Variants in MANEA observed in about 807,000 individuals in gnomAD.
MANEA encodes the protein mannosidase endo-alpha, also known as glycoprotein endo-alpha-1,2-mannosidase.
A neutral mutation model predicts 36.8 loss-of-function variants in MANEA; 25 were observed. The ratio of observed to expected loss-of-function variants is 0.68; its 90% CI spans 0.50 to 0.95. MANEA has a LOEUF of 0.95. Among genes scored for constraint, MANEA ranks in the 40% least tolerant of loss-of-function variants. MANEA has a pLI of 0.00. For missense variants in MANEA, 565 were observed against 558.8 expected (o/e 1.01, Z -0.11); for synonymous variants, 198 against 188.5 (o/e 1.05, Z -0.41).
intron 2 of MANEA, among the ~76,000 whole-genome samples, chr6:95,592,582 T>C (rs1470323797): frequency 6.6e-6 from 1 of 152,188 alleles, no homozygotes; most frequent in African/African-American, 2.4e-5. Context: ...TGAAAGAATG[T>C]TTGAGATGTT....
chr6:95,603,547 T>A (rs1048642067), intron 3 of MANEA, among the ~76,000 whole-genome samples: 1 of 151,236 alleles, frequency 6.6e-6, no homozygotes. Flanking sequence ...AAAATTATAT[T>A]TTTTTTAAAT....
intron 2 of MANEA, among the ~76,000 whole-genome samples, chr6:95,593,380 A>G (rs1170199075): frequency 2.0e-5 from 3 of 152,164 alleles, no homozygotes; most frequent in Non-Finnish European, 4.4e-5. Flanking sequence ...TGTAAGGGAG[A>G]AGAAAGAACA....
At chr6:95,584,323 G>A (rs4571575) in intron 1 of MANEA, among the ~76,000 whole-genome samples, 90,783 of 152,020 alleles carry the variant, frequency 0.6, 27,528 homozygotes, top group East Asian at 0.87. Context: ...AGTAGGAGAG[G>A]TATCACTAAA....
intron 1 of MANEA, among the ~76,000 whole-genome samples, chr6:95,584,404 T>C (rs1310471722): frequency 6.6e-6 from 1 of 152,144 alleles, no homozygotes; most frequent in African/African-American, 2.4e-5. Flanking sequence ...GGGAGGTCTA[T>C]AAGCGGCCGC....
At chr6:95,593,266 A>T (rs1449401540) in intron 2 of MANEA, among the ~76,000 whole-genome samples, 23 of 152,212 alleles carry the variant, frequency 1.5e-4, no homozygotes. Context: ...AGTCCAGAAG[A>T]CACTGTATAA....
chr6:95,580,272 C>T (rs899434297), intron 1 of MANEA, among the ~76,000 whole-genome samples: 1 of 151,736 alleles, frequency 6.6e-6, no homozygotes, highest in Non-Finnish European at 1.5e-5. Flanking sequence ...AGCAAAGAGC[C>T]AGAAATTAAC....
Position 95,586,615 on chromosome 6 carries a change from T to C in MANEA, c.176T>C (p.Phe59Ser). Reference protein sequence around the residue: ...HQRTIHLGKNFDFQKSDRINS... With the variant: ...HQRTIHLGKNSDFQKSDRINS... The stretch of plus-strand genomic sequence containing the variant: ...CGAACTATTCATTTGGGGAAAAATT[T>C]TGATTTCCAAAAGAGTGACAGAATC... Residue 59 changes from phenylalanine (F) to serine (S), a missense_variant, in exon 2 of 5, where the codon TTT (phenylalanine) becomes TCT (serine). Coordinates refer to ENST00000358812, the MANE Select transcript of MANEA (RefSeq NM_024641.4). 6.2e-7 allele frequency: 1 copy of C among 1,614,072 alleles called. No individual in the cohort carries two copies. Among genetic ancestry groups the C allele is most frequent in the Non-Finnish European group, 8.5e-7 (1 of 1,180,002 alleles).
chr6:95,605,231 T>A (rs1447696631), intron 4 of MANEA, among the ~76,000 whole-genome samples: 1 of 152,128 alleles, frequency 6.6e-6, no homozygotes, highest in African/African-American at 2.4e-5. Flanking sequence ...AAAAGAAGGT[T>A]CAGATTATTA....
At chr6:95,581,328 A>G (rs1416237483) in intron 1 of MANEA, among the ~76,000 whole-genome samples, 1 of 152,196 alleles carries the variant, frequency 6.6e-6, no homozygotes. Flanking sequence ...CACACATTTT[A>G]ATTGAATGAA....
rs1315382449 is a variant in MANEA at position 95,608,548 on chromosome 6, A to C, written c.*2143A>C. The C allele has an allele frequency of 6.6e-6, 1 of 151,892 alleles. No individual in the cohort carries two copies. The highest frequency in any genetic ancestry group is 2.4e-5 in the African/African-American group (1 of 41,412). 9.4% of individuals were successfully genotyped at this position (151,892 alleles called of 1,614,324 possible). Reference sequence around the variant, plus strand: ...ACCAGCCAGCAGTAACAGATTTCAGAGTAAGATAAAGCAGATTCTGTCTTC... The same window carrying C: ...ACCAGCCAGCAGTAACAGATTTCAGCGTAAGATAAAGCAGATTCTGTCTTC... On this transcript the variant is annotated 3_prime_UTR_variant, in exon 5 of 5. Transcript: ENST00000358812.
At chr6:95,590,528 C>G (rs1769367821) in intron 2 of MANEA, among the ~76,000 whole-genome samples, 1 of 152,092 alleles carries the variant, frequency 6.6e-6, no homozygotes, top group African/African-American at 2.4e-5. Flanking sequence ...AAAATTTATA[C>G]ATAAAAGTAG....
chr6:95,605,483 T>C (rs1769687162), intron 4 of MANEA, among the ~76,000 whole-genome samples: 1 of 152,160 alleles, frequency 6.6e-6, no homozygotes, highest in Admixed American at 6.5e-5. Context: ...TGTAGAGACA[T>C]AGGCTTTTTA....
At chr6:95,582,955 G>A (rs1382982145) in intron 1 of MANEA, among the ~76,000 whole-genome samples, 1 of 152,158 alleles carries the variant, frequency 6.6e-6, no homozygotes, top group Non-Finnish European at 1.5e-5. Flanking sequence ...CTCAGTACGG[G>A]TTCGCTGAAG....
intron 3 of MANEA, among the ~76,000 whole-genome samples, chr6:95,600,303 G>A (rs201712652): frequency 1.2e-3 from 176 of 152,254 alleles, no homozygotes; most frequent in East Asian, 9.7e-3. Context: ...CCTCGTGTAT[G>A]GTGAGGAACT....
chr6:95,602,100 A>G (rs1226947637), intron 3 of MANEA, among the ~76,000 whole-genome samples: 1 of 152,166 alleles, frequency 6.6e-6, no homozygotes. Context: ...AAACTTTGGG[A>G]ATCTTACCTA....
intron 1 of MANEA, among the ~76,000 whole-genome samples, chr6:95,578,401 G>C (rs879491279): frequency 4.6e-5 from 7 of 152,152 alleles, no homozygotes; most frequent in Admixed American, 3.3e-4. Context: ...ACAAGGGGGG[G>C]ATAATGTTGA....
At chr6:95,587,328 A>G (rs1429016653) in intron 2 of MANEA, 3 of 233,686 alleles carry the variant, frequency 1.3e-5, no homozygotes, top group South Asian at 1.1e-4. Flanking sequence ...AAAAGTATAT[A>G]CCTGTTTGAA....
chr6:95,577,582 G>A lies in MANEA; in HGVS notation c.-95G>A, dbSNP rs1411913769. 6.6e-6 allele frequency: 1 copy of A among 152,454 alleles called. No individual in the cohort carries two copies. Among genetic ancestry groups the A allele is most frequent in the Non-Finnish European group, 1.5e-5 (1 of 68,236 alleles). 9.4% of individuals were successfully genotyped at this position (152,454 alleles called of 1,614,324 possible). A position where few individuals can be genotyped will look rare whatever the true frequency, so the allele number is the denominator to read the frequency against. On this transcript the variant is annotated 5_prime_UTR_variant, in exon 1 of 5. Transcript: ENST00000358812. Reference sequence around the variant, plus strand: ...CGCGGCGGCAGTCAGCTCTATGTTCGCGGTCTTAACCTCTCCTCTGGCCGA... The same window carrying A: ...CGCGGCGGCAGTCAGCTCTATGTTCACGGTCTTAACCTCTCCTCTGGCCGA...
At chr6:95,585,437 G>A (rs946285323) in intron 1 of MANEA, among the ~76,000 whole-genome samples, 1 of 152,122 alleles carries the variant, frequency 6.6e-6, no homozygotes, top group African/African-American at 2.4e-5. Context: ...AGCCTCATGA[G>A]TAGCTGGGGA....
Sources: allele counts gnomAD v4.1 joint callset (sites outside exome capture counted in the v4.1 genomes callset), GRCh38; gene constraint gnomAD v4.1.1; transcripts MANE v1.5; gene names NCBI Gene and HGNC (gene_info 2026-07-23, HGNC 2026-07-21).